Variants in ATG4B observed in about 807,000 individuals in gnomAD.
ATG4B encodes cysteine protease ATG4B.
A neutral mutation model predicts 56.6 loss-of-function variants in ATG4B; 29 were observed. That is an observed-to-expected ratio of 0.51 (90% CI 0.38 to 0.70). The LOEUF (loss-of-function observed/expected upper bound fraction) is 0.70, where lower values mean the gene tolerates loss of function less well. ATG4B is among the 30% of genes least tolerant of loss of function. The pLI, the probability that ATG4B is intolerant of heterozygous loss-of-function variation, is 0.00. For synonymous variants in ATG4B, 224 were observed against 206.1 expected (o/e 1.09, Z -0.74); for missense variants, 461 against 515.5 (o/e 0.89, Z 1.02).
chr2:241,653,307 G>A (rs763321175), intron 3 of ATG4B: 104 of 1,546,080 alleles, frequency 6.7e-5, no homozygotes, highest in Non-Finnish European at 8.7e-5. Context: ...CCATTTTGAG[G>A]AGGTTGTCGG....
chr2:241,640,373 T>G (rs1313459436), intron 1 of ATG4B, among the ~76,000 whole-genome samples: 2 of 152,212 alleles, frequency 1.3e-5, no homozygotes, highest in African/African-American at 4.8e-5. Context: ...GTATTTCCTT[T>G]CAGAGATGAT....
At chr2:241,659,466 C>T (rs1298851464) in intron 7 of ATG4B, 1 of 490,718 alleles carries the variant, frequency 2.0e-6, no homozygotes, top group Non-Finnish European at 4.1e-6. Flanking sequence ...TTATGAAGGC[C>T]CTGCTGTGCT....
intron 6 of ATG4B, among the ~76,000 whole-genome samples, chr2:241,657,942 T>C (rs978007843): frequency 4.0e-5 from 6 of 151,586 alleles, no homozygotes; most frequent in African/African-American, 1.5e-4. Context: ...GGCCTTTGCA[T>C]GTGTGGTGCC....
chr2:241,660,792 C>T (rs1478660853), intron 7 of ATG4B, among the ~76,000 whole-genome samples: 2 of 152,186 alleles, frequency 1.3e-5, no homozygotes, highest in East Asian at 3.8e-4. Flanking sequence ...TACCTTAGTT[C>T]CCTGTTCACT....
At chr2:241,655,424 C>A in intron 6 of ATG4B, 81 bp downstream of exon 6, 2 of 1,406,254 alleles carry the variant, frequency 1.4e-6, no homozygotes, top group Non-Finnish European at 2.0e-6. Flanking sequence ...GTCTTCATGG[C>A]TACAGGAAAT....
At chr2:241,671,617 C>A in intron 12 of ATG4B, 2 of 1,490,448 alleles carry the variant, frequency 1.3e-6, no homozygotes, top group South Asian at 1.2e-5. Flanking sequence ...CTCGTCTTCC[C>A]CACCAGCGCT....
In ATG4B at chr2:241,666,781, C is replaced by T. The variant is rs1397314298; in HGVS notation, c.675C>T (p.Leu225=). 1.9e-6 allele frequency: 3 copies of T among 1,589,542 alleles called. No homozygotes were observed. The highest frequency in any genetic ancestry group is 2.6e-6 in the Non-Finnish European group (3 of 1,167,882). ...RPSPWRPLVL[L]IPLRLGLTDI... Reference sequence around the variant, plus strand: ...CGCCATGGAGACCCCTGGTACTTCTCATTCCCCTGCGCCTGGGGCTCACGG... The same window carrying T: ...CGCCATGGAGACCCCTGGTACTTCTTATTCCCCTGCGCCTGGGGCTCACGG... The change falls in exon 8 of 13, where the codon CTC becomes CTT. Residue 225 remains leucine (L), a synonymous_variant. Transcript: ENST00000404914.
In ATG4B at chr2:241,656,304, G is replaced by A. The variant is rs548679169; in HGVS notation, c.458+961G>A. Among the ~76,000 whole-genome samples, 63 of 152,046 alleles carry A rather than the reference G, an allele frequency of 4.1e-4. 2 individuals carry two copies. In the South Asian group the frequency reaches 7.9e-3, roughly 19 times the overall value. ...CTCTGCCACATCCCACGTCACCCGC[G>A]TCCCACGTCACCCCCGTCCCACATC... is the stretch of plus-strand genomic sequence containing the variant. On this transcript the variant is annotated intron_variant, in intron 6 of 12. Coordinates refer to ENST00000404914, the MANE Select transcript of ATG4B (RefSeq NM_013325.5).
rs1271608279 is a variant in ATG4B at position 241,654,784 on chromosome 2, C to T, written c.385+137C>T. 5 of 692,168 alleles carry T rather than the reference C, an allele frequency of 7.2e-6. No homozygotes were observed. In the East Asian group the frequency reaches 1.4e-4, roughly 19 times the overall value. The allele number at this position is 692,168 out of a possible 1,614,324, so 42.9% of individuals were successfully genotyped here. On this transcript the variant is annotated intron_variant, in intron 5 of 12. Coordinates refer to ENST00000404914, the MANE Select transcript of ATG4B (RefSeq NM_013325.5). ...TAAACCTGTAAACACTGACCTCTGA[C>T]CATCTGTGCGCTGCTGTCACATCAC...
chr2:241,673,835 A>C lies in ATG4B; in HGVS notation c.*1571A>C. Reference sequence around the variant, plus strand: ...TAGTTTGCAATTCTTAATGGCAAATAATAAGTTTCAGTAGAAAACAAACCT... The same window carrying C: ...TAGTTTGCAATTCTTAATGGCAAATCATAAGTTTCAGTAGAAAACAAACCT... On this transcript the variant is annotated 3_prime_UTR_variant, in exon 13 of 13. Transcript: ENST00000404914. 1 of 426,836 alleles carries C rather than the reference A, an allele frequency of 2.3e-6. No individual in the cohort carries two copies. The highest frequency in any genetic ancestry group is 1.6e-5 in the South Asian group (1 of 62,842). 26.4% of individuals were successfully genotyped at this position (426,836 alleles called of 1,614,324 possible).
rs11538893 is a variant in ATG4B, at chr2:241,654,623, A to G, written c.361A>G (p.Ser121Gly). 2 of 1,600,372 alleles carry G rather than the reference A, an allele frequency of 1.2e-6. No individual in the cohort carries two copies. The highest frequency in any genetic ancestry group is 1.7e-6 in the Non-Finnish European group (2 of 1,173,516). The part of the protein sequence containing the change: ...VLNAFIDRKD[S>G]YYSIHQIAQM... ...CAACGCATTCATCGACAGGAAGGACAGTTACTACTCCATTCACCAGATAGG... is the reference window on the plus strand; with the variant it reads ...CAACGCATTCATCGACAGGAAGGACGGTTACTACTCCATTCACCAGATAGG... The change falls in exon 5 of 13, where the codon AGT becomes GGT. Residue 121 changes from serine to glycine, a missense_variant. Coordinates refer to ENST00000404914, the MANE Select transcript of ATG4B (RefSeq NM_013325.5).
intron 5 of ATG4B, 127 bp from the exon 6 acceptor site, chr2:241,655,144 C>T (rs2068355756): frequency 1.2e-6 from 1 of 869,436 alleles, no homozygotes; most frequent in Admixed American, 2.2e-5. Flanking sequence ...TTGGGGCATC[C>T]TTCCGTCTGG....
chr2:241,640,586 C>T (rs989231830), intron 1 of ATG4B, among the ~76,000 whole-genome samples: 5 of 152,200 alleles, frequency 3.3e-5, no homozygotes, highest in South Asian at 2.1e-4. Context: ...GGGTAGCTAA[C>T]GTTCTAGACA....
Position 241,673,277 on chromosome 2 carries a change from G to C in ATG4B, c.*1013G>C, listed in dbSNP as rs1021617458. 3.6e-5 allele frequency: 12 copies of C among 334,188 alleles called. No homozygotes were observed. The highest frequency in any genetic ancestry group is 2.1e-4 in the African/African-American group (10 of 46,598). 20.7% of individuals were successfully genotyped at this position (334,188 alleles called of 1,614,324 possible). A position where few individuals can be genotyped will look rare whatever the true frequency, so the allele number is the denominator to read the frequency against. On this transcript the variant is annotated 3_prime_UTR_variant, in exon 13 of 13. Transcript: ENST00000404914. ...TTCCAGAACCTCAGCCCCGATTCCA[G>C]CACCCACCACCGCCTGACCCTGTGT...
At chr2:241,653,955 C>T (rs897470246) in intron 4 of ATG4B, among the ~76,000 whole-genome samples, 20 of 140,956 alleles carry the variant, frequency 1.4e-4, no homozygotes, top group African/African-American at 4.6e-4. Context: ...CGCACCACTG[C>T]GCTCCAGCCT....
intron 7 of ATG4B, 192 bp from the exon 8 acceptor site, chr2:241,666,453 T>C (rs2068773884): frequency 3.2e-6 from 2 of 627,052 alleles, no homozygotes; most frequent in Non-Finnish European, 5.6e-6. Flanking sequence ...AAACTATTTC[T>C]TTTTTCTCTG....
intron 10 of ATG4B, among the ~76,000 whole-genome samples, chr2:241,670,246 G>C (rs973605258): frequency 6.6e-6 from 1 of 151,950 alleles, no homozygotes; most frequent in East Asian, 1.9e-4. Flanking sequence ...ACCCTTGGCC[G>C]GTCCCCTGTC....
At chr2:241,641,549 C>CAAA (rs774218463) in intron 1 of ATG4B, among the ~76,000 whole-genome samples, 1,240 of 70,670 alleles carry the variant, frequency 0.018, 20 homozygotes, top group African/African-American at 0.056. Flanking sequence ...GACTCTGTCT[C>CAAA]AAAAAAAAAA....
chr2:241,671,581 C>T, intron 12 of ATG4B, 176 bp downstream of exon 12: 2 of 1,522,178 alleles, frequency 1.3e-6, no homozygotes, highest in Non-Finnish European at 8.8e-7. Flanking sequence ...CTCCTCCAAG[C>T]TTGCGCCCAG....
Sources: allele counts gnomAD v4.1 joint callset (sites outside exome capture counted in the v4.1 genomes callset), GRCh38; gene constraint gnomAD v4.1.1; transcripts MANE v1.5; gene names NCBI Gene and HGNC (gene_info 2026-07-23, HGNC 2026-07-21).